The following LY96 variants were observed in gnomAD, a reference collection of about 807,000 sequenced individuals.
The protein encoded by LY96 is lymphocyte antigen 96, also known as myeloid differentiation protein-2.
In LY96, 18 loss-of-function variants were observed where a neutral mutation model predicts 18.9. That is an observed-to-expected ratio of 0.95 (90% CI 0.66 to 1.41). LY96 has a LOEUF of 1.41. Among genes scored for constraint, LY96 ranks in the 40% most tolerant of loss-of-function variants. The pLI is 0.00. For missense variants in LY96, 175 were observed against 182.4 expected, an observed-to-expected ratio of 0.96 and a Z score of 0.23; for synonymous variants, 66 against 62.6, an observed-to-expected ratio of 1.06 and a Z score of -0.26.
At position 74,027,372 on chromosome 8, in the gene LY96, C is replaced by G. The variant is rs956162637; in HGVS notation, c.384+531C>G. On this transcript the variant is annotated intron_variant, in intron 4 of 4. Transcript: ENST00000284818. ...TGCCCAGGCTGGAGTGAAGTGTGTTCTGGACTCACTGCAACTTCCGCCTCC... is the reference window on the plus strand; with the variant it reads ...TGCCCAGGCTGGAGTGAAGTGTGTTGTGGACTCACTGCAACTTCCGCCTCC... Among the ~76,000 whole-genome samples the G allele has an allele frequency of 1.1e-4, 15 of 140,088 alleles. No homozygotes were observed. In the East Asian group the frequency reaches 3.1e-3, roughly 29 times the overall value. 91.9% of individuals were successfully genotyped at this position (140,088 alleles called of 152,430 possible). A position where few individuals can be genotyped will look rare whatever the true frequency, so the allele number is the denominator to read the frequency against.
chr8:74,090,377 A>G, the LY96 span, among the ~76,000 whole-genome samples: 1 of 152,238 alleles, frequency 6.6e-6, no homozygotes, highest in East Asian at 1.9e-4. Context: ...GAGCAAATAC[A>G]AATAGATAGG....
In LY96 at chr8:74,025,650, G is replaced by GT. The variant is rs1183948994; in HGVS notation, c.332-1138dup. On this transcript the variant is annotated intron_variant, in intron 3 of 4. Coordinates refer to ENST00000284818, the MANE Select transcript of LY96 (RefSeq NM_015364.5). ...AGCCTGGGCGACAGAGCGAAACTCC[G>GT]TCTCAAAAAAAAAAAAAAAAAAAAA... 3.9e-5 allele frequency among the ~76,000 whole-genome samples: 4 copies of GT among 101,578 alleles called. No individual in the cohort carries two copies. In the East Asian group the frequency reaches 7.8e-4, roughly 20 times the overall value. The allele number at this position is 101,578 out of a possible 152,430, so 66.6% of individuals were successfully genotyped here. A position where few individuals can be genotyped will look rare whatever the true frequency, so the allele number is the denominator to read the frequency against.
At chr8:74,047,718 T>C in the LY96 span, among the ~76,000 whole-genome samples, 1 of 152,132 alleles carries the variant, frequency 6.6e-6, no homozygotes, top group African/African-American at 2.4e-5. Flanking sequence ...TTAATAATAA[T>C]ACTTACCACC....
chr8:74,081,545 C>G, the LY96 span, among the ~76,000 whole-genome samples: 1 of 151,876 alleles, frequency 6.6e-6, no homozygotes, highest in Admixed American at 6.6e-5. Context: ...AGGTGTGAGC[C>G]ATCATGCCTA....
the LY96 span, among the ~76,000 whole-genome samples, chr8:74,064,600 T>C: frequency 0.31 from 46,588 of 152,060 alleles, 10,124 homozygotes; most frequent in African/African-American, 0.62. Flanking sequence ...AGCTCCCCTT[T>C]TCCTTCTACC....
rs1209783952 is a variant in LY96 at position 74,004,883 on chromosome 8, C to T, written c.200C>T (p.Pro67Leu). ...SKGLLHIFYI[P>L]RRDLKQLYFN... is the part of the protein sequence containing the mutation. ...GGATTATTGCACATTTTCTACATTC[C>T]AAGTAAGTTCAAATTTTTGCTTTTA... is the stretch of plus-strand genomic sequence containing the variant. The change falls in exon 2 of 5, where the codon CCA becomes CTA. Residue 67 changes from proline (P) to leucine (L), a missense_variant and splice_region_variant. Transcript: ENST00000284818. 6.3e-7 allele frequency: 1 copy of T among 1,590,058 alleles called. No individual in the cohort carries two copies. Among genetic ancestry groups the T allele is most frequent in the Non-Finnish European group, 8.6e-7 (1 of 1,160,968 alleles).
intron 3 of LY96, among the ~76,000 whole-genome samples, chr8:74,021,509 G>C (rs1217339420): frequency 6.6e-6 from 1 of 152,204 alleles, no homozygotes; most frequent in Non-Finnish European, 1.5e-5. Context: ...GGAAGACAGT[G>C]TGGCAATTCC....
the LY96 span, among the ~76,000 whole-genome samples, chr8:74,094,666 A>G: frequency 6.6e-6 from 1 of 152,212 alleles, no homozygotes; most frequent in Non-Finnish European, 1.5e-5. Flanking sequence ...ATCAGGTTGA[A>G]ACAAAGCATA....
downstream of LY96, among the ~76,000 whole-genome samples, chr8:74,030,614 C>T (rs895616099): frequency 7.9e-5 from 12 of 152,212 alleles, no homozygotes; most frequent in Middle Eastern, 3.4e-3. Flanking sequence ...ATTAAACCTC[C>T]ACTCCTAAAC....
the LY96 span, among the ~76,000 whole-genome samples, chr8:74,039,481 C>G: frequency 6.6e-6 from 1 of 152,086 alleles, no homozygotes; most frequent in African/African-American, 2.4e-5. Flanking sequence ...GAGAAAACAG[C>G]TGGGCCCGGG....
In LY96 at chr8:74,010,069, A is replaced by G; in HGVS notation, c.271A>G (p.Lys91Glu). 1 of 1,612,902 alleles carries G rather than the reference A, an allele frequency of 6.2e-7. No homozygotes were observed. The highest frequency in any genetic ancestry group is 8.5e-7 in the Non-Finnish European group (1 of 1,179,010). Residue 91 changes from lysine to glutamate, a missense_variant, in exon 3 of 5, where the codon AAA becomes GAA. By Grantham distance (56) the Lys-to-Glu change is moderately conservative. Transcript: ENST00000284818. ...TVNTMNLPKRKEVICRGSDDD... is the reference protein window; with the variant it reads ...TVNTMNLPKREEVICRGSDDD... ...CAACACCATGAATCTTCCAAAGCGC[A>G]AAGAAGTTATTTGCCGAGGATCTGA...
At chr8:73,998,557 C>T in intron 1 of LY96, among the ~76,000 whole-genome samples, 1 of 152,002 alleles carries the variant, frequency 6.6e-6, no homozygotes, top group East Asian at 1.9e-4. Context: ...GTGGCATGCA[C>T]CTGTAGTACT....
At chr8:74,095,038 G>T in the LY96 span, among the ~76,000 whole-genome samples, 1 of 152,184 alleles carries the variant, frequency 6.6e-6, no homozygotes, top group African/African-American at 2.4e-5. Context: ...AAAGGACAGT[G>T]AATTTCCCAA....
At position 73,996,385 on chromosome 8, in the gene LY96, C is replaced by CA. The variant is rs1563707928; in HGVS notation, c.112+4831_112+4832insA. 7.5e-4 allele frequency among the ~76,000 whole-genome samples: 31 copies of CA among 41,296 alleles called. 1 individual carries two copies. Among genetic ancestry groups the CA allele is most frequent in the Non-Finnish European group, 1.2e-3 (26 of 21,418 alleles). The allele number at this position is 41,296 out of a possible 152,430, so 27.1% of individuals were successfully genotyped here. A position where few individuals can be genotyped will look rare whatever the true frequency, so the allele number is the denominator to read the frequency against. On this transcript the variant is annotated intron_variant, in intron 1 of 4. Transcript: ENST00000284818. Reference sequence around the variant, plus strand: ...CCTTCCTTCATTCCTTTCTTTCTTTCTTTCTTTCTTTCTTTCTTTCTTTCT... The same window carrying CA: ...CCTTCCTTCATTCCTTTCTTTCTTTCATTTCTTTCTTTCTTTCTTTCTTTCT...
chr8:74,045,717 A>T, the LY96 span, among the ~76,000 whole-genome samples: 2 of 152,072 alleles, frequency 1.3e-5, no homozygotes, highest in African/African-American at 4.8e-5. Context: ...AGGGTGGGGG[A>T]ACCAGGAGAC....
intron 1 of LY96, among the ~76,000 whole-genome samples, chr8:74,003,497 A>G (rs975868944): frequency 1.3e-5 from 2 of 152,240 alleles, no homozygotes; most frequent in African/African-American, 4.8e-5. Context: ...AGAGCCTTGC[A>G]CTGGTTTATC....
intron 1 of LY96, among the ~76,000 whole-genome samples, chr8:74,004,415 T>TG (rs957818933): frequency 6.6e-5 from 10 of 152,176 alleles, no homozygotes; most frequent in East Asian, 1.9e-4. Flanking sequence ...AGGAGCTGGT[T>TG]GGGGGGGTCT....
chr8:74,034,172 A>G, the LY96 span, among the ~76,000 whole-genome samples: 1 of 152,166 alleles, frequency 6.6e-6, no homozygotes, highest in Non-Finnish European at 1.5e-5. Context: ...CAGAAGTTTG[A>G]TCAGCCTAGC....
the LY96 span, among the ~76,000 whole-genome samples, chr8:74,038,358 G>C: frequency 1.3e-5 from 2 of 151,714 alleles, no homozygotes; most frequent in South Asian, 2.1e-4. Context: ...CCCGTTCCCA[G>C]CCTCTGGTAA....
Sources: allele counts gnomAD v4.1 joint callset (sites outside exome capture counted in the v4.1 genomes callset), GRCh38; gene constraint gnomAD v4.1.1; transcripts MANE v1.5; gene names NCBI Gene and HGNC (gene_info 2026-07-23, HGNC 2026-07-21).